Variants in ZHX2 observed in about 807,000 individuals in gnomAD.
ZHX2 encodes zinc fingers and homeoboxes 2, also known as zinc fingers and homeoboxes protein 2.
In ZHX2, 6 loss-of-function variants were observed where a neutral mutation model predicts 21.9. The ratio of observed to expected loss-of-function variants is 0.27; its 90% CI spans 0.15 to 0.54. The LOEUF (loss-of-function observed/expected upper bound fraction) is 0.54, where lower values mean the gene tolerates loss of function less well. Among genes scored for constraint, ZHX2 ranks in the 20% least tolerant of loss-of-function variants. The probability of loss-of-function intolerance (pLI) is 0.95; values close to 1 mark genes in which losing one functional copy is unlikely to be tolerated. For synonymous variants in ZHX2, 434 were observed against 437.1 expected (o/e 0.99, Z 0.09); for missense variants, 908 against 1,090.7 (o/e 0.83, Z 2.36).
At chr8:122,814,710 C>A (rs1197539287) in intron 1 of ZHX2, among the ~76,000 whole-genome samples, 3 of 152,214 alleles carry the variant, frequency 2.0e-5, no homozygotes, top group African/African-American at 7.2e-5. Flanking sequence ...GGGTGTCTGG[C>A]ACCCTCTGTA....
At chr8:122,933,492 T>C (rs1812593774) in intron 2 of ZHX2, among the ~76,000 whole-genome samples, 1 of 152,146 alleles carries the variant, frequency 6.6e-6, no homozygotes, top group Non-Finnish European at 1.5e-5. Context: ...GTTTTCCGTG[T>C]TTGTGGGCGT....
At chr8:122,955,962 A>C (rs1813290012) in intron 3 of ZHX2, among the ~76,000 whole-genome samples, 1 of 149,742 alleles carries the variant, frequency 6.7e-6, no homozygotes, top group African/African-American at 2.5e-5. Flanking sequence ...CTCCTGCATC[A>C]GCCTCCCGAG....
intron 1 of ZHX2, chr8:122,863,235 A>G (rs1311353231): frequency 1.3e-5 from 2 of 149,398 alleles, no homozygotes; most frequent in Admixed American, 6.6e-5. Context: ...CTTTTCCACA[A>G]GCTGCTGACT....
intron 2 of ZHX2, among the ~76,000 whole-genome samples, chr8:122,907,831 G>T (rs1026706406): frequency 6.6e-6 from 1 of 152,188 alleles, no homozygotes; most frequent in African/African-American, 2.4e-5. Context: ...AGTGATATTA[G>T]TGTCTTTAGG....
chr8:122,872,325 G>A (rs1054772453), intron 2 of ZHX2, among the ~76,000 whole-genome samples: 9 of 152,156 alleles, frequency 5.9e-5, no homozygotes, highest in Admixed American at 2.6e-4. Flanking sequence ...TGTGCCACTC[G>A]TATGAAATTC....
At chr8:122,947,558 T>C (rs1813009021) in intron 2 of ZHX2, among the ~76,000 whole-genome samples, 1 of 152,228 alleles carries the variant, frequency 6.6e-6, no homozygotes, top group Non-Finnish European at 1.5e-5. Context: ...CTTGCTCCTC[T>C]TTTAACCACA....
In ZHX2 at chr8:122,902,021, G is replaced by GA. The variant is rs5894647; in HGVS notation, c.-220+38493dup. Reference sequence around the variant, plus strand: ...CAGAAGCCCCAGTCCTATGCTACGTGAAAAAAAAAAAGAATGTTTTATGAA... The same window carrying GA: ...CAGAAGCCCCAGTCCTATGCTACGTGAAAAAAAAAAAAGAATGTTTTATGAA... On this transcript the variant is annotated intron_variant, in intron 2 of 3. Coordinates refer to ENST00000314393, the MANE Select transcript of ZHX2 (RefSeq NM_014943.5). 2.8e-3 allele frequency among the ~76,000 whole-genome samples: 410 copies of GA among 144,318 alleles called. 1 individual carries two copies. The highest frequency in any genetic ancestry group is 7.2e-3 in the African/African-American group (281 of 39,298). The allele number at this position is 144,318 out of a possible 152,430, so 94.7% of individuals were successfully genotyped here. A position where few individuals can be genotyped will look rare whatever the true frequency, so the allele number is the denominator to read the frequency against.
intron 1 of ZHX2, among the ~76,000 whole-genome samples, chr8:122,807,135 A>G (rs1028919187): frequency 1.3e-5 from 2 of 152,202 alleles, no homozygotes; most frequent in African/African-American, 2.4e-5. Flanking sequence ...TTGTTGGATC[A>G]TCGAAGCCTG....
At position 122,951,471 on chromosome 8, in the gene ZHX2, T is replaced by G; in HGVS notation, c.-40T>G. ...CAAGAATCTCACCGCCCCCTCCTTA[T>G]CCCCCTCCAAAAATAAGCCATTGCA... On this transcript the variant is annotated 5_prime_UTR_variant, in exon 3 of 4. Coordinates refer to ENST00000314393, the MANE Select transcript of ZHX2 (RefSeq NM_014943.5). The G allele has an allele frequency of 2.7e-6, 4 of 1,507,480 alleles. No homozygotes were observed. Among genetic ancestry groups the G allele is most frequent in the Non-Finnish European group, 3.6e-6 (4 of 1,097,224 alleles). 93.4% of individuals were successfully genotyped at this position (1,507,480 alleles called of 1,614,324 possible).
At chr8:122,872,876 T>C (rs183456481) in intron 2 of ZHX2, among the ~76,000 whole-genome samples, 2 of 152,186 alleles carry the variant, frequency 1.3e-5, no homozygotes, top group South Asian at 2.1e-4. Context: ...TGGGATTTAC[T>C]CAGACAGGTT....
At chr8:122,874,952 C>T (rs753044905) in intron 2 of ZHX2, among the ~76,000 whole-genome samples, 1 of 151,638 alleles carries the variant, frequency 6.6e-6, no homozygotes, top group Non-Finnish European at 1.5e-5. Flanking sequence ...TGACCTTGGG[C>T]AGGTCACCCC....
intron 1 of ZHX2, among the ~76,000 whole-genome samples, chr8:122,849,310 C>T (rs1434440948): frequency 6.6e-6 from 1 of 152,188 alleles, no homozygotes; most frequent in Non-Finnish European, 1.5e-5. Context: ...CTGCTACTCA[C>T]TTGCTGTGTG....
intron 1 of ZHX2, among the ~76,000 whole-genome samples, chr8:122,797,750 C>T (rs551924409): frequency 6.6e-6 from 1 of 152,228 alleles, no homozygotes; most frequent in Non-Finnish European, 1.5e-5. Flanking sequence ...AGCCTATTTG[C>T]CTTTCTTACA....
intron 1 of ZHX2, among the ~76,000 whole-genome samples, chr8:122,790,914 T>G (rs1817505728): frequency 6.6e-6 from 1 of 152,160 alleles, no homozygotes; most frequent in Admixed American, 6.5e-5. Context: ...ATCCCGATGT[T>G]GTGATTCTGT....
rs60890533 is a variant in ZHX2 at position 122,945,436 on chromosome 8, C to CAAAAAAAAAAAAAAA, written c.-219-5843_-219-5829dup. Among the ~76,000 whole-genome samples the CAAAAAAAAAAAAAAA allele has an allele frequency of 1.3e-3, 98 of 73,656 alleles. 11 individuals are homozygous for CAAAAAAAAAAAAAAA. The highest frequency in any genetic ancestry group is 0.017 in the Middle Eastern group (2 of 120). 48.3% of individuals were successfully genotyped at this position (73,656 alleles called of 152,430 possible). A position where few individuals can be genotyped will look rare whatever the true frequency, so the allele number is the denominator to read the frequency against. On this transcript the variant is annotated intron_variant, in intron 2 of 3. Coordinates refer to ENST00000314393, the MANE Select transcript of ZHX2 (RefSeq NM_014943.5). ...CTCTTTTATATAAACCCTGTCTCTGCAAAAAAAAAAAAAAAAAAAAAAAAA... is the reference window on the plus strand; with the variant it reads ...CTCTTTTATATAAACCCTGTCTCTGCAAAAAAAAAAAAAAAAAAAAAAAAAAAAAAAAAAAAAAAA...
intron 1 of ZHX2, among the ~76,000 whole-genome samples, chr8:122,825,099 A>C (rs1325327850): frequency 6.6e-6 from 1 of 152,236 alleles, no homozygotes. Flanking sequence ...GCATCTGCAG[A>C]GTCCTTTCTG....
intron 2 of ZHX2, among the ~76,000 whole-genome samples, chr8:122,942,267 C>T (rs1812864163): frequency 2.0e-5 from 3 of 151,476 alleles, no homozygotes; most frequent in African/African-American, 7.3e-5. Context: ...ATTCCTGCTC[C>T]CACCCCCTCA....
intron 2 of ZHX2, among the ~76,000 whole-genome samples, chr8:122,949,017 A>G (rs545175570): frequency 6.6e-6 from 1 of 152,200 alleles, no homozygotes; most frequent in African/African-American, 2.4e-5. Context: ...AATATATAAT[A>G]TGCACAACTA....
intron 1 of ZHX2, among the ~76,000 whole-genome samples, chr8:122,855,543 CATTA>C (rs1487007808): frequency 6.6e-6 from 1 of 152,016 alleles, no homozygotes; most frequent in Non-Finnish European, 1.5e-5. Flanking sequence ...CTCGTGGCCA[CATTA>C]AGTGCTCTTA....
Sources: allele counts gnomAD v4.1 joint callset (sites outside exome capture counted in the v4.1 genomes callset), GRCh38; gene constraint gnomAD v4.1.1; transcripts MANE v1.5; gene names NCBI Gene and HGNC (gene_info 2026-07-23, HGNC 2026-07-21).